Variants in CHRDL2 observed in about 807,000 individuals in gnomAD.
CHRDL2 encodes chordin like 2.
A neutral mutation model predicts 54.3 loss-of-function variants in CHRDL2; 41 were observed. The ratio of observed to expected loss-of-function variants is 0.76; its 90% CI spans 0.59 to 0.98. CHRDL2 has a LOEUF of 0.98. Ranked by LOEUF, CHRDL2 falls within the 50% of genes least tolerant of loss-of-function variation. The pLI is 0.00. For synonymous variants in CHRDL2, 220 were observed against 224.3 expected (o/e 0.98, Z 0.17); for missense variants, 518 against 562.4 (o/e 0.92, Z 0.80).
chr11:74,709,242 A>T (rs1304349647), intron 4 of CHRDL2, among the ~76,000 whole-genome samples: 2 of 151,138 alleles, frequency 1.3e-5, no homozygotes, highest in Non-Finnish European at 2.9e-5. Context: ...CCCACCACCC[A>T]GCATTTCTGT....
At chr11:74,720,513 C>T (rs904939643) in intron 1 of CHRDL2, among the ~76,000 whole-genome samples, 1 of 152,138 alleles carries the variant, frequency 6.6e-6, no homozygotes, top group East Asian at 1.9e-4. Flanking sequence ...CTTCTTCTCT[C>T]TCTGCCCCAC....
In CHRDL2 at chr11:74,697,177, G is replaced by A. The variant is rs200130606; in HGVS notation, c.1213+28C>T. The A allele has an allele frequency of 3.7e-3, 5,814 of 1,577,332 alleles. 17 individuals carry two copies. Among genetic ancestry groups the A allele is most frequent in the Non-Finnish European group, 4.3e-3 (4,933 of 1,148,532 alleles). ...CGTGTCCTTGCCTTCTTCCTGCCCC[G>A]GCCCCATTCCTCAGCCCAAGCTCCT... is the stretch of plus-strand genomic sequence containing the variant. On this transcript the variant is annotated intron_variant, in intron 10 of 10. Transcript: ENST00000376332.
intron 4 of CHRDL2, 151 bp from the exon 5 acceptor site, chr11:74,708,546 C>A: frequency 3.3e-6 from 2 of 599,124 alleles, no homozygotes; most frequent in Non-Finnish European, 5.6e-6. Context: ...CAAGGCCCGG[C>A]CAGCTCAGAG....
At chr11:74,706,124 G>C (rs75041244) in intron 6 of CHRDL2, among the ~76,000 whole-genome samples, 4,650 of 152,240 alleles carry the variant, frequency 0.031, 246 homozygotes, top group African/African-American at 0.11. Flanking sequence ...GGTGGGGAAG[G>C]CTGGCCCAAG....
At chr11:74,710,088 C>T (rs141365657) in intron 4 of CHRDL2, among the ~76,000 whole-genome samples, 37 of 151,982 alleles carry the variant, frequency 2.4e-4, no homozygotes, top group African/African-American at 6.8e-4. Flanking sequence ...TGGTGGTGGG[C>T]GCCTGTAGTC....
intron 1 of CHRDL2, among the ~76,000 whole-genome samples, chr11:74,724,742 T>C (rs1424091318): frequency 1.3e-5 from 2 of 152,238 alleles, no homozygotes; most frequent in African/African-American, 4.8e-5. Context: ...CCTGCAGAAC[T>C]GAGTTCAGCC....
Position 74,697,980 on chromosome 11 carries a change from C to T in CHRDL2, c.1121-683G>A, listed in dbSNP as rs117831507. Among the ~76,000 whole-genome samples, 256 of 152,210 alleles carry T rather than the reference C, an allele frequency of 1.7e-3. 3 individuals carry two copies. The East Asian group carries it at 0.043, about 26-fold the overall frequency. ...GCCCTAGCCCTAACCAAGTACTTGA[C>T]GTCCCCTGAGGAGGCCAAGCCTTTT... On this transcript the variant is annotated intron_variant, in intron 9 of 10. Coordinates refer to ENST00000376332, the MANE Select transcript of CHRDL2 (RefSeq NM_001278473.3).
intron 2 of CHRDL2, among the ~76,000 whole-genome samples, chr11:74,717,627 G>T (rs567393165): frequency 6.6e-6 from 1 of 152,248 alleles, no homozygotes; most frequent in Admixed American, 6.5e-5. Context: ...AAAGTCAGGA[G>T]GGGGGCTAGC....
intron 1 of CHRDL2, chr11:74,719,411 C>CACACAA (rs2034453133): frequency 6.7e-6 from 1 of 149,742 alleles, no homozygotes; most frequent in African/African-American, 2.5e-5. Flanking sequence ...CACACACACA[C>CACACAA]ACACACACAC....
At chr11:74,716,638 A>G (rs917587868) in intron 2 of CHRDL2, among the ~76,000 whole-genome samples, 4 of 151,668 alleles carry the variant, frequency 2.6e-5, no homozygotes, top group Admixed American at 6.6e-5. Context: ...TTTAGGTCCA[A>G]TGAAAAGCTA....
intron 1 of CHRDL2, among the ~76,000 whole-genome samples, chr11:74,726,706 C>T (rs1029680319): frequency 1.3e-5 from 2 of 152,176 alleles, no homozygotes; most frequent in Non-Finnish European, 2.9e-5. Context: ...CAGCTGTTGC[C>T]GGGCTCAGGC....
chr11:74,696,546 T>A lies in CHRDL2; in HGVS notation c.1253A>T (p.Lys418Met), dbSNP rs745469119. Residue 418 changes from lysine (K) to methionine (M), a missense_variant, in exon 11 of 11, where the codon AAG becomes ATG. Physicochemically the swap from Lys to Met is moderately conservative, Grantham distance 95. Transcript: ENST00000376332. The stretch of plus-strand genomic sequence containing the variant: ...CACTTTGTCTGGACTGGCCGTGACC[T>A]TCAGCTCCAGGGTCTGGGCTAGGAA... Reference protein sequence around the residue: ...NVFLAQTLELKVTASPDKVTK... With the variant: ...NVFLAQTLELMVTASPDKVTK... The A allele has an allele frequency of 1.2e-6, 2 of 1,614,162 alleles. No individual in the cohort carries two copies. The highest frequency in any genetic ancestry group is 1.1e-5 in the South Asian group (1 of 91,082).
At chr11:74,717,052 C>G (rs1213127641) in intron 2 of CHRDL2, among the ~76,000 whole-genome samples, 2 of 152,090 alleles carry the variant, frequency 1.3e-5, no homozygotes, top group Non-Finnish European at 2.9e-5. Context: ...TGAGATCGCA[C>G]CACTGCACTC....
At chr11:74,712,091 C>T (rs748215310) in intron 3 of CHRDL2, among the ~76,000 whole-genome samples, 10 of 151,972 alleles carry the variant, frequency 6.6e-5, no homozygotes, top group Non-Finnish European at 1.3e-4. Context: ...ATTACAGATA[C>T]AAGCCACCGT....
chr11:74,707,551 C>T (rs2135248778), intron 5 of CHRDL2, among the ~76,000 whole-genome samples: 1 of 152,288 alleles, frequency 6.6e-6, no homozygotes, highest in African/African-American at 2.4e-5. Flanking sequence ...CTGGTGAGCC[C>T]AATACTGTGA....
chr11:74,727,087 G>C (rs1234856808), intron 1 of CHRDL2, among the ~76,000 whole-genome samples: 1 of 152,296 alleles, frequency 6.6e-6, no homozygotes, highest in Non-Finnish European at 1.5e-5. Flanking sequence ...CACACCTTTG[G>C]GTTTTGGAGA....
chr11:74,702,278 C>A (rs1336266248), intron 9 of CHRDL2, among the ~76,000 whole-genome samples: 2 of 151,260 alleles, frequency 1.3e-5, no homozygotes, highest in Non-Finnish European at 2.9e-5. Context: ...GTAGAAAAAA[C>A]TCCTCTTGAC....
At chr11:74,723,958 C>T (rs896785601) in intron 1 of CHRDL2, among the ~76,000 whole-genome samples, 11 of 152,128 alleles carry the variant, frequency 7.2e-5, no homozygotes, top group African/African-American at 2.7e-4. Flanking sequence ...TCCCATTATT[C>T]ATTTATTTAT....
Position 74,731,214 on chromosome 11 carries a change from A to G in CHRDL2, c.-326T>C. 1 of 215,332 alleles carries G rather than the reference A, an allele frequency of 4.6e-6. No homozygotes were observed. Among genetic ancestry groups the G allele is most frequent in the Non-Finnish European group, 9.2e-6 (1 of 108,266 alleles). The allele number at this position is 215,332 out of a possible 1,614,324, so 13.3% of individuals were successfully genotyped here. On this transcript the variant is annotated 5_prime_UTR_variant, in exon 1 of 11. Coordinates refer to ENST00000376332, the MANE Select transcript of CHRDL2 (RefSeq NM_001278473.3). The surrounding 1 kb of genome is among the most constrained non-coding windows in gnomAD (Gnocchi z 4.4). The stretch of plus-strand genomic sequence containing the variant: ...GAGAGGAGGAGAAAGCAGGGAGAGG[A>G]CCGGCGTCTGCCGAGCGCGCAGCGC...
Sources: gnomAD v4.1 joint callset for allele counts (sites outside exome capture counted in the v4.1 genomes callset) on GRCh38, gnomAD v4.1.1 for gene constraint, Gnocchi (gnomAD v3.1) non-coding constraint, MANE v1.5 for transcripts, NCBI Gene and HGNC (gene_info 2026-07-23, HGNC 2026-07-21) for gene names.